The following AOPEP variants were observed in gnomAD, a reference collection of about 807,000 sequenced individuals.
AOPEP encodes aminopeptidase O.
In AOPEP, 77 loss-of-function variants were observed where a neutral mutation model predicts 98.1. That is an observed-to-expected ratio of 0.78 (90% CI 0.65 to 0.95). The LOEUF is 0.95. AOPEP is among the 40% of genes least tolerant of loss of function. The pLI is 0.00. For synonymous variants in AOPEP, 346 were observed against 365.3 expected (o/e 0.95, Z 0.60); for missense variants, 1,024 against 1,024.7 (o/e 1.00, Z 0.01).
At chr9:95,110,560 A>C in the AOPEP span, 1 of 1,033,010 alleles carries the variant, frequency 9.7e-7, no homozygotes, top group Non-Finnish European at 1.2e-6. Context: ...ATTATCACCA[A>C]ATTTCAACTT....
chr9:95,142,537 T>C, the AOPEP span: 1 of 152,274 alleles, frequency 6.6e-6, no homozygotes. Flanking sequence ...GGAGTGGCTG[T>C]AGACGCTAAT....
chr9:94,898,389 C>T (rs1293313915), intron 5 of AOPEP, among the ~76,000 whole-genome samples: 1 of 151,814 alleles, frequency 6.6e-6, no homozygotes, highest in Non-Finnish European at 1.5e-5. Context: ...GAGGCTGAGG[C>T]AGGCGGATCA....
chr9:94,752,359 T>TCACA lies in AOPEP; in HGVS notation c.-135-7266_-135-7263dup, dbSNP rs58626205. On this transcript the variant is annotated intron_variant, in intron 1 of 16. Coordinates refer to ENST00000375315, the MANE Select transcript of AOPEP (RefSeq NM_001193329.3). ...ACAGACACACAAGTCTCTCTCTCTC[T>TCACA]CACACACACACACACACACACACAC... Among the ~76,000 whole-genome samples, 155 of 140,880 alleles carry TCACA rather than the reference T, an allele frequency of 1.1e-3. 1 individual carries two copies. The highest frequency in any genetic ancestry group is 3.0e-3 in the East Asian group (14 of 4,706). The allele number at this position is 140,880 out of a possible 152,430, so 92.4% of individuals were successfully genotyped here. A position where few individuals can be genotyped will look rare whatever the true frequency, so the allele number is the denominator to read the frequency against.
chr9:95,048,919 G>T (rs1281225609), intron 13 of AOPEP: 1 of 152,170 alleles, frequency 6.6e-6, no homozygotes, highest in Admixed American at 6.5e-5. Context: ...GACATACCTT[G>T]CGGGCTCAGG....
intron 4 of AOPEP, among the ~76,000 whole-genome samples, chr9:94,793,974 G>C (rs982587049): frequency 5.3e-5 from 8 of 152,200 alleles, no homozygotes; most frequent in African/African-American, 1.9e-4. Context: ...GCGGTGCACT[G>C]TAGGGACAGC....
chr9:95,107,561 G>A, the AOPEP span: 1 of 514,250 alleles, frequency 1.9e-6, no homozygotes, highest in Non-Finnish European at 3.5e-6. Context: ...ACAGAATGTA[G>A]TCAGATTTTT....
chr9:95,111,539 G>T, the AOPEP span: 31 of 1,614,164 alleles, frequency 1.9e-5, no homozygotes, highest in Non-Finnish European at 2.5e-5. Flanking sequence ...GGCCGTGGGG[G>T]GTTCGGCTGC....
At chr9:94,771,023 T>C (rs905113160) in intron 2 of AOPEP, among the ~76,000 whole-genome samples, 6 of 152,202 alleles carry the variant, frequency 3.9e-5, no homozygotes, top group Admixed American at 3.9e-4. Context: ...TTTCTCAGAT[T>C]TGACCTCATC....
intron 1 of AOPEP, among the ~76,000 whole-genome samples, chr9:94,746,017 C>G (rs902480643): frequency 3.3e-5 from 5 of 152,204 alleles, no homozygotes; most frequent in African/African-American, 7.2e-5. Flanking sequence ...CCTTTCTTCA[C>G]ATCGTTGCTT....
At chr9:94,743,611 T>C (rs1031988975) in intron 1 of AOPEP, among the ~76,000 whole-genome samples, 2 of 152,174 alleles carry the variant, frequency 1.3e-5, no homozygotes, top group South Asian at 4.1e-4. Context: ...TAGGAAATCA[T>C]GAGCAACTCA....
At chr9:94,919,655 G>A (rs541431330) in intron 5 of AOPEP, among the ~76,000 whole-genome samples, 1 of 152,264 alleles carries the variant, frequency 6.6e-6, no homozygotes, top group South Asian at 2.1e-4. Context: ...AGAGAAGACA[G>A]GCTATGAACC....
intron 1 of AOPEP, among the ~76,000 whole-genome samples, chr9:94,729,639 T>C (rs1217945506): frequency 6.6e-6 from 1 of 151,794 alleles, no homozygotes; most frequent in African/African-American, 2.4e-5. Flanking sequence ...TTCTGAAACA[T>C]TTATAATTCT....
chr9:95,093,774 T>C, the AOPEP span, among the ~76,000 whole-genome samples: 1 of 152,168 alleles, frequency 6.6e-6, no homozygotes, highest in South Asian at 2.1e-4. Flanking sequence ...CGCTTCTCTG[T>C]GTCGATGGCT....
chr9:94,765,832 G>C (rs563675285), intron 2 of AOPEP, among the ~76,000 whole-genome samples: 1 of 152,196 alleles, frequency 6.6e-6, no homozygotes, highest in South Asian at 2.1e-4. Flanking sequence ...TCCTACCTTA[G>C]TTTAGCCATT....
intron 5 of AOPEP, among the ~76,000 whole-genome samples, chr9:94,879,774 G>C (rs932926860): frequency 2.6e-5 from 4 of 152,114 alleles, no homozygotes; most frequent in Non-Finnish European, 5.9e-5. Context: ...TGTTTTCCTC[G>C]GATTATGAGT....
At chr9:94,944,168 A>G (rs1263020450) in intron 7 of AOPEP, among the ~76,000 whole-genome samples, 2 of 152,226 alleles carry the variant, frequency 1.3e-5, no homozygotes, top group Non-Finnish European at 2.9e-5. Flanking sequence ...AAAATGGTGC[A>G]GCTGCTGTGG....
At chr9:95,136,342 C>G in the AOPEP span, among the ~76,000 whole-genome samples, 11 of 152,060 alleles carry the variant, frequency 7.2e-5, no homozygotes, top group African/African-American at 2.4e-4. Flanking sequence ...GTGTTCACGT[C>G]ACTGCACTCC....
chr9:95,005,185 G>T lies in AOPEP; in HGVS notation c.2005G>T (p.Ala669Ser), dbSNP rs762598032. The T allele has an allele frequency of 1.7e-6, 2 of 1,149,528 alleles. No homozygotes were observed. Among genetic ancestry groups the T allele is most frequent in the Admixed American group, 3.7e-5 (1 of 27,352 alleles). The allele number at this position is 1,149,528 out of a possible 1,614,324, so 71.2% of individuals were successfully genotyped here. The change falls in exon 12 of 17, where the codon GCG becomes TCG. Residue 669 changes from alanine to serine, a missense_variant. Transcript: ENST00000375315. ...KPLQRERRAG[A>S]ECGLARQVRA... ...GCTGCAGAGGGAGCGTCGCGCCGGG[G>T]CGGAGTGCGGGCTTGCGCGGCAAGT... is the stretch of plus-strand genomic sequence containing the variant.
the AOPEP span, among the ~76,000 whole-genome samples, chr9:95,096,639 C>T: frequency 2.6e-5 from 4 of 152,198 alleles, no homozygotes; most frequent in South Asian, 8.3e-4. Flanking sequence ...AGGGCGCCCA[C>T]CAGGAGGGGG....
Sources: gnomAD v4.1 joint callset for allele counts (sites outside exome capture counted in the v4.1 genomes callset) on GRCh38, gnomAD v4.1.1 for gene constraint, MANE v1.5 for transcripts, NCBI Gene and HGNC (gene_info 2026-07-23, HGNC 2026-07-21) for gene names.